Variants in NBAS observed in about 807,000 individuals in gnomAD.
NBAS encodes the protein NAG/BC035112 fusion.
A neutral mutation model predicts 302.5 loss-of-function variants in NBAS; 219 were observed. The ratio of observed to expected loss-of-function variants is 0.72; its 90% confidence interval spans 0.65 to 0.81. The LOEUF (loss-of-function observed/expected upper bound fraction) is 0.81, where lower values mean the gene tolerates loss of function less well. Ranked by LOEUF, NBAS falls within the 30% of genes least tolerant of loss-of-function variation. The pLI is 0.00. For synonymous variants in NBAS, 1,118 were observed against 1,021.6 expected, an observed-to-expected ratio of 1.09 and a Z score of -1.80; for missense variants, 2,932 against 2,841.6, an observed-to-expected ratio of 1.03 and a Z score of -0.72.
At chr2:14,801,282 T>G in the NBAS span, among the ~76,000 whole-genome samples, 1 of 152,142 alleles carries the variant, frequency 6.6e-6, no homozygotes, top group Non-Finnish European at 1.5e-5. Context: ...ACTCCCTTCC[T>G]GTTATTCCAG....
chr2:14,837,483 T>C, the NBAS span, among the ~76,000 whole-genome samples: 1 of 151,748 alleles, frequency 6.6e-6, no homozygotes, highest in Non-Finnish European at 1.5e-5. Flanking sequence ...TTCTAGAGAA[T>C]TTTGTGGAAG....
chr2:15,062,323 A>G, the NBAS span, among the ~76,000 whole-genome samples: 1 of 152,216 alleles, frequency 6.6e-6, no homozygotes, highest in African/African-American at 2.4e-5. Context: ...ATCGCTAAAC[A>G]GAAAATGTAG....
chr2:15,392,867 T>C (rs1186643114), intron 28 of NBAS, among the ~76,000 whole-genome samples: 1 of 152,018 alleles, frequency 6.6e-6, no homozygotes. Flanking sequence ...TTTCAATATT[T>C]AATAGAAATC....
At chr2:15,543,866 T>A (rs917186732) in intron 6 of NBAS, among the ~76,000 whole-genome samples, 3 of 152,196 alleles carry the variant, frequency 2.0e-5, no homozygotes, top group Non-Finnish European at 4.4e-5. Flanking sequence ...GCCTTATTTG[T>A]TAATCTATAA....
At chr2:15,106,511 T>C in the NBAS span, among the ~76,000 whole-genome samples, 1 of 151,112 alleles carries the variant, frequency 6.6e-6, no homozygotes, top group African/African-American at 2.5e-5. Flanking sequence ...TTGGGTTCCA[T>C]AGGAGTTACC....
chr2:15,232,610 C>T, intron 46 of NBAS, 99 bp from the exon 47 acceptor site: 1 of 1,003,950 alleles, frequency 1.0e-6, no homozygotes, highest in East Asian at 2.6e-5. Context: ...TGGATTTTGG[C>T]ACAGTATACT....
chr2:14,821,422 C>A, the NBAS span, among the ~76,000 whole-genome samples: 5 of 152,200 alleles, frequency 3.3e-5, no homozygotes, highest in African/African-American at 1.2e-4. Context: ...CTACTTGATG[C>A]TGACATCCAC....
the NBAS span, among the ~76,000 whole-genome samples, chr2:15,093,355 G>A: frequency 1.3e-5 from 2 of 152,298 alleles, no homozygotes; most frequent in African/African-American, 4.8e-5. Flanking sequence ...GGCGGTGGTT[G>A]CAGTGAGCCG....
the NBAS span, among the ~76,000 whole-genome samples, chr2:14,982,802 C>T: frequency 2.0e-5 from 3 of 151,758 alleles, no homozygotes; most frequent in Admixed American, 1.3e-4. Flanking sequence ...AAAAATAACA[C>T]GGTTACAAAA....
At chr2:15,429,867 T>C (rs1677675492) in intron 21 of NBAS, among the ~76,000 whole-genome samples, 1 of 152,188 alleles carries the variant, frequency 6.6e-6, no homozygotes, top group Admixed American at 6.5e-5. Flanking sequence ...AAAAAACTAT[T>C]TTATTTTCTT....
At chr2:14,934,221 C>T in the NBAS span, among the ~76,000 whole-genome samples, 3 of 152,130 alleles carry the variant, frequency 2.0e-5, no homozygotes, top group South Asian at 6.2e-4. Context: ...TAAAAGCAAT[C>T]ACTATTAATA....
chr2:15,402,105 C>G (rs181787520), intron 26 of NBAS, 63 bp downstream of exon 26: 1 of 1,588,098 alleles, frequency 6.3e-7, no homozygotes, highest in Non-Finnish European at 8.6e-7. Context: ...GGGGAAGCAA[C>G]GTTTTTGTTT....
the NBAS span, among the ~76,000 whole-genome samples, chr2:15,019,855 G>A: frequency 5.9e-5 from 9 of 152,198 alleles, no homozygotes; most frequent in South Asian, 1.2e-3. Flanking sequence ...AACAGAAAAC[G>A]ACTCTGTTAG....
At chr2:15,290,058 C>A in intron 41 of NBAS, among the ~76,000 whole-genome samples, 1 of 115,598 alleles carries the variant, frequency 8.7e-6, no homozygotes, top group African/African-American at 3.5e-5. Context: ...GGAGAGGGGA[C>A]AGAGGAGAGG....
At chr2:15,310,976 C>G (rs1228849972) in intron 38 of NBAS, among the ~76,000 whole-genome samples, 1 of 152,166 alleles carries the variant, frequency 6.6e-6, no homozygotes, top group Non-Finnish European at 1.5e-5. Context: ...CAGAATGATA[C>G]AGCAGGAAGG....
At chr2:15,266,637 G>A (rs542476424) in intron 44 of NBAS, among the ~76,000 whole-genome samples, 3 of 151,824 alleles carry the variant, frequency 2.0e-5, no homozygotes, top group South Asian at 4.2e-4. Context: ...GATATATGAA[G>A]GAAAGGGTAG....
Position 15,534,567 on chromosome 2 carries a change from G to A in NBAS, c.722C>T (p.Thr241Ile). Reference sequence around the variant, plus strand: ...CCTGTGACCAGGGTGGTAAATAGCTGTGTTGATTCCATGAGGATAATGACT... The same window carrying A: ...CCTGTGACCAGGGTGGTAAATAGCTATGTTGATTCCATGAGGATAATGACT... ...FSSHYPHGIN[T>I]AIYHPGHRLL... The change falls in exon 9 of 52, where the codon ACA becomes ATA. Residue 241 changes from threonine to isoleucine, a missense_variant. Coordinates refer to ENST00000281513, the MANE Select transcript of NBAS (RefSeq NM_015909.4). The A allele has an allele frequency of 1.9e-6, 3 of 1,612,858 alleles. No homozygotes were observed. Among genetic ancestry groups the A allele is most frequent in the Non-Finnish European group, 2.5e-6 (3 of 1,178,836 alleles).
chr2:15,214,288 TATAATAA>T (rs60686317), intron 48 of NBAS, among the ~76,000 whole-genome samples: 9,669 of 152,236 alleles, frequency 0.064, 334 homozygotes, highest in East Asian at 0.13. Context: ...AAAGAGTTCA[TATAATAA>T]ATAGACAAAC....
chr2:14,847,874 T>G, the NBAS span, among the ~76,000 whole-genome samples: 1 of 152,224 alleles, frequency 6.6e-6, no homozygotes, highest in African/African-American at 2.4e-5. Context: ...ACAGGCCATA[T>G]GTTAGGTCAC....
Sources: allele counts gnomAD v4.1 joint callset (sites outside exome capture counted in the v4.1 genomes callset), GRCh38; gene constraint gnomAD v4.1.1; transcripts MANE v1.5; gene names NCBI Gene and HGNC (gene_info 2026-07-23, HGNC 2026-07-21).